ITPR3: variants seen among roughly 807,000 people sequenced by gnomAD.
ITPR3 encodes inositol 1,4,5-trisphosphate-gated calcium channel ITPR3.
ITPR3 carries 173 observed loss-of-function variants against 293.2 expected under a neutral mutation model. The ratio of observed to expected loss-of-function variants is 0.59; its 90% CI spans 0.52 to 0.67. ITPR3 has a LOEUF of 0.67. Ranked by LOEUF, ITPR3 falls within the 30% of genes least tolerant of loss-of-function variation. ITPR3 has a pLI of 0.00. For missense variants in ITPR3, 2,796 were observed against 3,592.1 expected (o/e 0.78, Z 5.66); for synonymous variants, 1,295 against 1,444.4 (o/e 0.90, Z 2.35).
At chr6:33,660,683 C>T (rs996387821) in intron 7 of ITPR3, among the ~76,000 whole-genome samples, 2 of 152,154 alleles carry the variant, frequency 1.3e-5, no homozygotes, top group African/African-American at 4.8e-5. Flanking sequence ...AATCCCAGCA[C>T]TTTGGGAGGC....
intron 17 of ITPR3, 100 bp from the exon 18 acceptor site, chr6:33,668,874 C>T: frequency 7.6e-7 from 1 of 1,315,912 alleles, no homozygotes. Context: ...CTCTGGGTCC[C>T]CGTGGTGGCT....
At position 33,679,825 on chromosome 6, in the gene ITPR3, A is replaced by G; in HGVS notation, c.3973-57A>G. ...TTCTCCCTGGTAAGCAACGGAGAGG[A>G]GAGCCCAGGGCTTGCTGGACCGAGA... On this transcript the variant is annotated intron_variant, in intron 30 of 57. Transcript: ENST00000605930. This position sits in a 1 kb window ranked among gnomAD's most constrained non-coding sequence, Gnocchi z 4.2. 6.4e-7 allele frequency: 1 copy of G among 1,561,464 alleles called. No individual in the cohort carries two copies. Among genetic ancestry groups the G allele is most frequent in the South Asian group, 1.2e-5 (1 of 82,756 alleles).
chr6:33,684,331 C>T lies in ITPR3; in HGVS notation c.4938-26C>T, dbSNP rs774886621. The T allele has an allele frequency of 1.2e-6, 2 of 1,609,370 alleles. No individual in the cohort carries two copies. Among genetic ancestry groups the T allele is most frequent in the South Asian group, 1.1e-5 (1 of 90,934 alleles). On this transcript the variant is annotated intron_variant, in intron 36 of 57. Transcript: ENST00000605930. The surrounding 1 kb of genome is among the most constrained non-coding windows in gnomAD (Gnocchi z 4.2). ...TGGAGGGAGGCAGTGTGGGGCTGCC[C>T]TGAGCTGCCTCCTTGGCCGGCTCAG...
In ITPR3 at chr6:33,682,672, C is replaced by G; in HGVS notation, c.4597+28C>G. ...GAGTGTGCCGGGGCACTGGCCAGCC[C>G]CAAACCACTCCTCCTGCCGCTCACA... On this transcript the variant is annotated intron_variant, in intron 34 of 57. Transcript: ENST00000605930. The surrounding 1 kb of genome is among the most constrained non-coding windows in gnomAD (Gnocchi z 5.4). 1.9e-6 allele frequency: 3 copies of G among 1,576,246 alleles called. No homozygotes were observed. The highest frequency in any genetic ancestry group is 2.6e-6 in the Non-Finnish European group (3 of 1,165,684).
In ITPR3 at chr6:33,664,879, C is replaced by T. The variant is rs765042526; in HGVS notation, c.1158C>T (p.Tyr386=). ...KTDSFVPRNS[Y]VRLRHLCTNT... ...TCCCACCCACCTGCAGGAACTCGTACGTCCGGCTGCGGCACCTCTGCACCA... is the reference window on the plus strand; with the variant it reads ...TCCCACCCACCTGCAGGAACTCGTATGTCCGGCTGCGGCACCTCTGCACCA... The change falls in exon 12 of 58, where the codon TAC becomes TAT. Residue 386 remains tyrosine (Y), a synonymous_variant. Coordinates refer to ENST00000605930, the MANE Select transcript of ITPR3 (RefSeq NM_002224.4). This position sits in a 1 kb window ranked among gnomAD's most constrained non-coding sequence, Gnocchi z 4.4. 4.3e-6 allele frequency: 7 copies of T among 1,613,530 alleles called. No homozygotes were observed. The highest frequency in any genetic ancestry group is 2.2e-5 in the South Asian group (2 of 91,068).
In ITPR3 at chr6:33,663,724, G is replaced by A. The variant is rs1357982428; in HGVS notation, c.1006-14G>A. ...GAGGGAGGGCCTTCTACCTGATTTG[G>A]GGTCCTCATCCAGGGGGCACAGGGC... On this transcript the variant is annotated splice_polypyrimidine_tract_variant and intron_variant, in intron 10 of 57. Coordinates refer to ENST00000605930, the MANE Select transcript of ITPR3 (RefSeq NM_002224.4). 5.6e-6 allele frequency: 9 copies of A among 1,613,158 alleles called. No individual in the cohort carries two copies. The Admixed American group carries it at 1.3e-4, about 24-fold the overall frequency.
At chr6:33,653,634 A>G (rs1254133287) in intron 2 of ITPR3, among the ~76,000 whole-genome samples, 1 of 152,238 alleles carries the variant, frequency 6.6e-6, no homozygotes, top group Non-Finnish European at 1.5e-5. Flanking sequence ...CTCTAGGCCC[A>G]GAACACTGCT....
At chr6:33,674,321 T>C (rs1212368726) in intron 24 of ITPR3, 56 bp downstream of exon 24, 5 of 1,549,798 alleles carry the variant, frequency 3.2e-6, no homozygotes, top group Non-Finnish European at 3.5e-6. Flanking sequence ...CGACACCCCC[T>C]CTTGGTCTGG....
chr6:33,663,258 G>A (rs1045442875), intron 9 of ITPR3, among the ~76,000 whole-genome samples: 28 of 135,254 alleles, frequency 2.1e-4, no homozygotes, highest in African/African-American at 6.1e-4. Flanking sequence ...AAAATTTCCC[G>A]TCTGTCTGTA....
chr6:33,679,748 C>A lies in ITPR3; in HGVS notation c.3973-134C>A. The A allele has an allele frequency of 8.4e-7, 1 of 1,184,840 alleles. No homozygotes were observed. Among genetic ancestry groups the A allele is most frequent in the Non-Finnish European group, 1.2e-6 (1 of 867,364 alleles). The allele number at this position is 1,184,840 out of a possible 1,614,324, so 73.4% of individuals were successfully genotyped here. A position where few individuals can be genotyped will look rare whatever the true frequency, so the allele number is the denominator to read the frequency against. ...CAGCTGGGGAACCCCCAAATCCCAG[C>A]CAGGGGAGGGTTTTCCTGATTTCAG... On this transcript the variant is annotated intron_variant, in intron 30 of 57. Coordinates refer to ENST00000605930, the MANE Select transcript of ITPR3 (RefSeq NM_002224.4). This position sits in a 1 kb window ranked among gnomAD's most constrained non-coding sequence, Gnocchi z 4.2.
chr6:33,650,911 T>A (rs1185152793), intron 2 of ITPR3, among the ~76,000 whole-genome samples: 1 of 152,170 alleles, frequency 6.6e-6, no homozygotes, highest in Non-Finnish European at 1.5e-5. Context: ...GGGCTTGTTC[T>A]CCCTCGCGGT....
At chr6:33,663,314 T>C (rs545695379) in intron 9 of ITPR3, among the ~76,000 whole-genome samples, 186 bp from the exon 10 acceptor site, 12 of 152,310 alleles carry the variant, frequency 7.9e-5, no homozygotes, top group African/African-American at 2.9e-4. Context: ...TATGTGTGTA[T>C]GTTCATTTGT....
Position 33,638,771 on chromosome 6 carries a change from A to T in ITPR3, c.90-1713A>T, listed in dbSNP as rs1763881130. 6.6e-6 allele frequency among the ~76,000 whole-genome samples: 1 copy of T among 152,250 alleles called. No individual in the cohort carries two copies. The highest frequency in any genetic ancestry group is 1.5e-5 in the Non-Finnish European group (1 of 68,046). ...CGTTCTCAAGGAACTCACAGTGTAG[A>T]CACAGCAAGTCAAGAAGTGGGGAGA... On this transcript the variant is annotated intron_variant, in intron 1 of 57. Transcript: ENST00000605930. This position sits in a 1 kb window ranked among gnomAD's most constrained non-coding sequence, Gnocchi z 4.3.
rs1032445618 is a variant in ITPR3, at chr6:33,691,433, T to C, written c.7226-182T>C. 2.0e-5 allele frequency among the ~76,000 whole-genome samples: 3 copies of C among 152,180 alleles called. No individual in the cohort carries two copies. Among genetic ancestry groups the C allele is most frequent in the African/African-American group, 7.2e-5 (3 of 41,440 alleles). On this transcript the variant is annotated intron_variant, in intron 52 of 57. Coordinates refer to ENST00000605930, the MANE Select transcript of ITPR3 (RefSeq NM_002224.4). The surrounding 1 kb of genome is among the most constrained non-coding windows in gnomAD (Gnocchi z 4.9). The stretch of plus-strand genomic sequence containing the variant: ...GCCTAGGGGTACAGAGACCCCTCCC[T>C]GCCCTTAGTGTGCAACCCAGTCGGG...
rs1005881565 is a variant in ITPR3 at position 33,670,418 on chromosome 6, C to T, written c.2283C>T (p.Phe761=). 1.3e-5 allele frequency: 21 copies of T among 1,614,016 alleles called. No individual in the cohort carries two copies. In the Admixed American group the frequency reaches 2.3e-4, roughly 18 times the overall value. Residue 761 remains phenylalanine, a synonymous_variant, in exon 19 of 58, where the codon TTC becomes TTT. Coordinates refer to ENST00000605930, the MANE Select transcript of ITPR3 (RefSeq NM_002224.4). The surrounding 1 kb of genome is among the most constrained non-coding windows in gnomAD (Gnocchi z 6.7). ...AGCAGCTGGGCGTGGACCTGATTTT[C>T]CTGTGCATGGCAGACGAGATGCTGC... ...ISQQLGVDLI[F]LCMADEMLPF... is the part of the protein sequence containing the mutation.
At chr6:33,695,582 T>C in intron 57 of ITPR3, 130 bp from the exon 58 acceptor site, 2 of 855,204 alleles carry the variant, frequency 2.3e-6, no homozygotes, top group Non-Finnish European at 3.8e-6. Context: ...CGAGGGGCCC[T>C]GGCCCGCCGC....
Position 33,678,466 on chromosome 6 carries a change from C to G in ITPR3, c.3694C>G (p.Leu1232Val), listed in dbSNP as rs765957861. Residue 1232 changes from leucine (L) to valine (V), a missense_variant, in exon 29 of 58, where the codon CTG becomes GTG. Physicochemically the swap from Leu to Val is conservative, Grantham distance 32. Coordinates refer to ENST00000605930, the MANE Select transcript of ITPR3 (RefSeq NM_002224.4). Reference protein sequence around the residue: ...MEILRYTHQFLQKFCAGNPGN... With the variant: ...MEILRYTHQFVQKFCAGNPGN... ...GATCCTGCGCTACACGCACCAGTTC[C>G]TGCAGAAGTTCTGTGCAGGGAACCC... is the stretch of plus-strand genomic sequence containing the variant. 1 of 1,613,782 alleles carries G rather than the reference C, an allele frequency of 6.2e-7. No individual in the cohort carries two copies. The highest frequency in any genetic ancestry group is 2.2e-5 in the East Asian group (1 of 44,876).
rs370627707 is a variant in ITPR3 at position 33,678,869 on chromosome 6, A to G, written c.3972+30A>G. On this transcript the variant is annotated intron_variant, in intron 30 of 57. Transcript: ENST00000605930. ...GGGCGGGGCTGAGGGGTGCTCAGGC[A>G]TCTTGGGGTGGGGGACCGGAGCAGA... The G allele has an allele frequency of 8.2e-6, 13 of 1,590,190 alleles. No individual in the cohort carries two copies. In the East Asian group the frequency reaches 2.5e-4, roughly 30 times the overall value.
rs559798501 is a variant in ITPR3, at chr6:33,636,277, G to A, written c.90-4207G>A. 2.0e-3 allele frequency among the ~76,000 whole-genome samples: 299 copies of A among 152,088 alleles called. 2 individuals carry two copies. The highest frequency in any genetic ancestry group is 6.1e-3 in the African/African-American group (252 of 41,464). On this transcript the variant is annotated intron_variant, in intron 1 of 57. Coordinates refer to ENST00000605930, the MANE Select transcript of ITPR3 (RefSeq NM_002224.4). ...AGATCATGCCACTGCACTCCAGCCCGGGTGACAGAGTAAGACTCTGTCTCA... is the reference window on the plus strand; with the variant it reads ...AGATCATGCCACTGCACTCCAGCCCAGGTGACAGAGTAAGACTCTGTCTCA...
Sources: gnomAD v4.1 joint callset for allele counts (sites outside exome capture counted in the v4.1 genomes callset) on GRCh38, gnomAD v4.1.1 for gene constraint, Gnocchi (gnomAD v3.1) non-coding constraint, MANE v1.5 for transcripts, NCBI Gene and HGNC (gene_info 2026-07-23, HGNC 2026-07-21) for gene names.